SLC13A1: variants seen among roughly 807,000 people sequenced by gnomAD.
SLC13A1 encodes the protein Na(+)/sulfate cotransporter.
In SLC13A1, 65 loss-of-function variants were observed where a neutral mutation model predicts 70.0. That is an observed-to-expected ratio of 0.93 (90% CI 0.76 to 1.14). The LOEUF (loss-of-function observed/expected upper bound fraction) is 1.14. Ranked by LOEUF, SLC13A1 falls within the 50% of genes most tolerant of loss-of-function variation. The pLI is 0.00. For synonymous variants in SLC13A1, 275 were observed against 250.5 expected, an observed-to-expected ratio of 1.10 and a Z score of -0.92; for missense variants, 726 against 717.8, an observed-to-expected ratio of 1.01 and a Z score of -0.13.
chr7:123,146,304 C>T (rs374271636), intron 7 of SLC13A1, among the ~76,000 whole-genome samples: 4 of 152,212 alleles, frequency 2.6e-5, no homozygotes, highest in Admixed American at 1.3e-4. Flanking sequence ...GCAGGTGGAT[C>T]ACTTGAGATC....
chr7:123,153,438 C>A (rs1195605787), intron 6 of SLC13A1, among the ~76,000 whole-genome samples: 1 of 152,096 alleles, frequency 6.6e-6, no homozygotes, highest in Non-Finnish European at 1.5e-5. Flanking sequence ...TTTTTTTAAT[C>A]TAGCCAGTAA....
chr7:123,178,033 C>CTCTATATATA (rs761704605), intron 2 of SLC13A1, among the ~76,000 whole-genome samples: 3 of 149,958 alleles, frequency 2.0e-5, no homozygotes, highest in Non-Finnish European at 4.5e-5. Flanking sequence ...CTCTCTCTCT[C>CTCTATATATA]TATATATATA....
intron 6 of SLC13A1, among the ~76,000 whole-genome samples, chr7:123,167,999 C>T (rs1436598394): frequency 1.3e-5 from 2 of 151,978 alleles, no homozygotes; most frequent in African/African-American, 4.8e-5. Flanking sequence ...CCAAAACATG[C>T]AATTCACCTG....
chr7:123,156,926 C>A (rs1174573796), intron 6 of SLC13A1, among the ~76,000 whole-genome samples: 1 of 151,934 alleles, frequency 6.6e-6, no homozygotes, highest in Non-Finnish European at 1.5e-5. Flanking sequence ...CTTTATGGAC[C>A]CTGAACTTCA....
intron 3 of SLC13A1, among the ~76,000 whole-genome samples, chr7:123,171,332 A>G (rs1795265261): frequency 6.6e-6 from 1 of 152,184 alleles, no homozygotes; most frequent in Non-Finnish European, 1.5e-5. Context: ...ACACATTTGT[A>G]TTTTGTCAGT....
At chr7:123,168,626 G>T in intron 4 of SLC13A1, 65 bp from the exon 5 acceptor site, 1 of 1,217,208 alleles carries the variant, frequency 8.2e-7, no homozygotes, top group Non-Finnish European at 1.2e-6. Flanking sequence ...TTGCCTGTGT[G>T]TGGATGCGAA....
intron 6 of SLC13A1, among the ~76,000 whole-genome samples, chr7:123,157,050 A>G (rs747564513): frequency 4.6e-5 from 7 of 152,086 alleles, no homozygotes; most frequent in Non-Finnish European, 1.0e-4. Flanking sequence ...GATGGGCCTC[A>G]GTATCACTCT....
In SLC13A1 at chr7:123,115,375, G is replaced by T; in HGVS notation, c.*143C>A. The T allele has an allele frequency of 1.3e-6, 1 of 750,198 alleles. No homozygotes were observed. Among genetic ancestry groups the T allele is most frequent in the Non-Finnish European group, 2.1e-6 (1 of 471,250 alleles). The allele number at this position is 750,198 out of a possible 1,614,324, so 46.5% of individuals were successfully genotyped here. ...ATATGGACTCTGAGTTATAACAGCA[G>T]GTTTCGGGTATTCACAGGAATTGCA... On this transcript the variant is annotated 3_prime_UTR_variant, in exon 15 of 15. Coordinates refer to ENST00000194130, the MANE Select transcript of SLC13A1 (RefSeq NM_022444.4).
At chr7:123,177,980 T>C (rs73217778) in intron 2 of SLC13A1, among the ~76,000 whole-genome samples, 3,557 of 152,022 alleles carry the variant, frequency 0.023, 61 homozygotes, top group Non-Finnish European at 0.034. Context: ...GTTGAATAAC[T>C]GAGTAAATAC....
intron 1 of SLC13A1, among the ~76,000 whole-genome samples, chr7:123,186,942 A>G (rs915748330): frequency 2.0e-5 from 3 of 151,028 alleles, no homozygotes; most frequent in African/African-American, 7.3e-5. Context: ...TTTTTAAATC[A>G]TGATTCCTTC....
chr7:123,193,829 T>C (rs936418086), intron 1 of SLC13A1, among the ~76,000 whole-genome samples: 5 of 152,134 alleles, frequency 3.3e-5, no homozygotes, highest in African/African-American at 1.2e-4. Flanking sequence ...AAACATATTA[T>C]GGGAGGAAGA....
intron 12 of SLC13A1, among the ~76,000 whole-genome samples, chr7:123,119,793 T>A (rs907966719): frequency 6.6e-6 from 1 of 151,998 alleles, no homozygotes; most frequent in Non-Finnish European, 1.5e-5. Context: ...AACATATATT[T>A]TTTGTTTCTT....
At chr7:123,121,732 A>G (rs1332215658) in intron 12 of SLC13A1, among the ~76,000 whole-genome samples, 1 of 152,156 alleles carries the variant, frequency 6.6e-6, no homozygotes, top group Non-Finnish European at 1.5e-5. Flanking sequence ...AATTGCAATG[A>G]GGTGAATTCC....
intron 2 of SLC13A1, among the ~76,000 whole-genome samples, chr7:123,178,007 A>G (rs1403629915): frequency 8.2e-6 from 1 of 121,446 alleles, no homozygotes. Context: ...TAACACCTAT[A>G]TCTCTCTCTT....
Position 123,123,158 on chromosome 7 carries a change from C to G in SLC13A1, c.1318G>C (p.Gly440Arg), listed in dbSNP as rs754022212. ...FMPWDIAILVGGGFALADGCE... is the reference protein window; with the variant it reads ...FMPWDIAILVRGGFALADGCE... ...CCATCTGCCAGGGCAAACCCTCCAC[C>G]AACAAGAATGGCTATATCCCAGGGC... is the stretch of plus-strand genomic sequence containing the variant. The change falls in exon 12 of 15, where the codon GGT becomes CGT. Residue 440 changes from glycine to arginine, a missense_variant. Physicochemically the swap from Gly to Arg is moderately radical, Grantham distance 125. Coordinates refer to ENST00000194130, the MANE Select transcript of SLC13A1 (RefSeq NM_022444.4). 2 of 1,613,486 alleles carry G rather than the reference C, an allele frequency of 1.2e-6. No individual in the cohort carries two copies. The highest frequency in any genetic ancestry group is 2.2e-5 in the South Asian group (2 of 91,064).
At chr7:123,185,636 C>T (rs1032327876) in intron 1 of SLC13A1, among the ~76,000 whole-genome samples, 3 of 151,900 alleles carry the variant, frequency 2.0e-5, no homozygotes, top group African/African-American at 7.3e-5. Flanking sequence ...TTAATTGGTC[C>T]ACATGTCTGT....
intron 14 of SLC13A1, among the ~76,000 whole-genome samples, chr7:123,117,109 T>C (rs1193639888): frequency 6.6e-6 from 1 of 152,176 alleles, no homozygotes; most frequent in Non-Finnish European, 1.5e-5. Context: ...AGTGTTGTTT[T>C]GATTGCTGAT....
At chr7:123,178,033 C>CTCTCTCTA (rs761704605) in intron 2 of SLC13A1, among the ~76,000 whole-genome samples, 9,108 of 149,860 alleles carry the variant, frequency 0.061, 334 homozygotes, top group Non-Finnish European at 0.067. Context: ...CTCTCTCTCT[C>CTCTCTCTA]TATATATATA....
At chr7:123,130,511 C>A (rs1793721254) in intron 8 of SLC13A1, among the ~76,000 whole-genome samples, 1 of 152,020 alleles carries the variant, frequency 6.6e-6, no homozygotes, top group Non-Finnish European at 1.5e-5. Context: ...GGGAGCTGAA[C>A]AAGGAGAACA....
Sources: gnomAD v4.1 joint callset for allele counts (sites outside exome capture counted in the v4.1 genomes callset) on GRCh38, gnomAD v4.1.1 for gene constraint, MANE v1.5 for transcripts, NCBI Gene and HGNC (gene_info 2026-07-23, HGNC 2026-07-21) for gene names.